FAM184B: variants seen among roughly 807,000 people sequenced by gnomAD.
The protein encoded by FAM184B is family with sequence similarity 184 member B, also known as protein FAM184B.
A neutral mutation model predicts 135.9 loss-of-function variants in FAM184B; 111 were observed. That is an observed-to-expected ratio of 0.82 (90% CI 0.70 to 0.96). FAM184B has a LOEUF of 0.96. Among genes scored for constraint, FAM184B ranks in the 40% least tolerant of loss-of-function variants. The pLI is 0.00. For synonymous variants in FAM184B, 552 were observed against 524.8 expected (o/e 1.05, Z -0.71); for missense variants, 1,375 against 1,323.9 (o/e 1.04, Z -0.60).
intron 1 of FAM184B, among the ~76,000 whole-genome samples, chr4:17,720,656 G>T (rs574715687): frequency 6.6e-6 from 1 of 151,598 alleles, no homozygotes; most frequent in Non-Finnish European, 1.5e-5. Context: ...GGGAGGCTGA[G>T]GGGGGCAGAT....
rs764575898 is a variant in FAM184B at position 17,751,823 on chromosome 4, G to GCGCACA, written c.141+29335_141+29336insTGTGCG. Reference sequence around the variant, plus strand: ...GGCTGATTCTGGCCCTAAAAACAAGGCACACACACACACACACACACACAC... The same window carrying GCGCACA: ...GGCTGATTCTGGCCCTAAAAACAAGGCGCACACACACACACACACACACACACACAC... On this transcript the variant is annotated intron_variant, in intron 1 of 17. Coordinates refer to ENST00000265018, the MANE Select transcript of FAM184B (RefSeq NM_015688.2). Among the ~76,000 whole-genome samples, 336 of 115,896 alleles carry GCGCACA rather than the reference G, an allele frequency of 2.9e-3. 2 individuals carry two copies. The highest frequency in any genetic ancestry group is 9.3e-3 in the African/African-American group (293 of 31,624). 76.0% of individuals were successfully genotyped at this position (115,896 alleles called of 152,430 possible). A position where few individuals can be genotyped will look rare whatever the true frequency, so the allele number is the denominator to read the frequency against.
chr4:17,740,832 T>C (rs1042462685), intron 1 of FAM184B, among the ~76,000 whole-genome samples: 1 of 152,210 alleles, frequency 6.6e-6, no homozygotes. Context: ...TCTTTCTTTT[T>C]CCATCACAAC....
At position 17,709,018 on chromosome 4, in the gene FAM184B, C is replaced by G. The variant is rs1299767962; in HGVS notation, c.768G>C (p.Lys256Asn). The G allele has an allele frequency of 6.4e-7, 1 of 1,550,472 alleles. No individual in the cohort carries two copies. Among genetic ancestry groups the G allele is most frequent in the South Asian group, 1.2e-5 (1 of 84,052 alleles). The change falls in exon 2 of 18, where the codon AAG becomes AAC. Residue 256 changes from lysine to asparagine, a missense_variant. Physicochemically the swap from Lys to Asn is moderately conservative, Grantham distance 94 (BLOSUM62 0). Transcript: ENST00000265018. ...GGGCTGACTCCTGGACCTGGAAGTT[C>G]TTGCGGAGGTCCGACTCCTTCTCCT... ...QWQEKESDLR[K>N]NFQVQESALQ... is the part of the protein sequence containing the mutation.
chr4:17,675,617 C>T (rs769126525), intron 7 of FAM184B, among the ~76,000 whole-genome samples: 4 of 152,302 alleles, frequency 2.6e-5, no homozygotes, highest in Middle Eastern at 3.4e-3. Context: ...TCCTAGATGG[C>T]ATCTTCTAAT....
chr4:17,764,027 TA>T (rs1009018939), intron 1 of FAM184B, among the ~76,000 whole-genome samples: 1 of 152,184 alleles, frequency 6.6e-6, no homozygotes, highest in African/African-American at 2.4e-5. Context: ...ACATGTTTTT[TA>T]CTCTGTCATC....
At chr4:17,749,536 T>C (rs1017508616) in intron 1 of FAM184B, among the ~76,000 whole-genome samples, 1 of 152,170 alleles carries the variant, frequency 6.6e-6, no homozygotes, top group African/African-American at 2.4e-5. Context: ...ATCTAAAAAT[T>C]GGATTATTAA....
intron 1 of FAM184B, among the ~76,000 whole-genome samples, chr4:17,771,569 C>G (rs1718817775): frequency 6.6e-6 from 1 of 152,160 alleles, no homozygotes; most frequent in African/African-American, 2.4e-5. Flanking sequence ...TGTCCCCAAA[C>G]AAGCTCCTGC....
At position 17,640,492 on chromosome 4, in the gene FAM184B, A is replaced by AAG. The variant is rs1458752332; in HGVS notation, c.2520-1097_2520-1096insCT. Among the ~76,000 whole-genome samples, 149 of 151,528 alleles carry AAG rather than the reference A, an allele frequency of 9.8e-4. No individual in the cohort carries two copies. In the East Asian group the frequency reaches 0.025, roughly 25 times the overall value. On this transcript the variant is annotated intron_variant, in intron 13 of 17. Transcript: ENST00000265018. The stretch of plus-strand genomic sequence containing the variant: ...GAGCAAGACTGTCTCAAAAAAAAAA[A>AAG]AAAGAAAATAAATGAACAAGCACAG...
chr4:17,632,708 G>C (rs1011784888), intron 17 of FAM184B, 83 bp from the exon 18 acceptor site: 2 of 915,726 alleles, frequency 2.2e-6, no homozygotes, highest in Non-Finnish European at 3.4e-6. Context: ...TTCAGGGAAA[G>C]ATAACTGCTT....
rs950851665 is a variant in FAM184B, at chr4:17,664,721, A to C, written c.1597-62T>G. ...GCAAGATGAGCTTAAGTACAGCTTCATGATTCAACCTGTGGCTTATTCAAA... is the reference window on the plus strand; with the variant it reads ...GCAAGATGAGCTTAAGTACAGCTTCCTGATTCAACCTGTGGCTTATTCAAA... On this transcript the variant is annotated intron_variant, in intron 7 of 17. Coordinates refer to ENST00000265018, the MANE Select transcript of FAM184B (RefSeq NM_015688.2). 6.7e-6 allele frequency: 9 copies of C among 1,338,204 alleles called. No homozygotes were observed. The African/African-American group carries it at 1.0e-4, about 16-fold the overall frequency. The allele number at this position is 1,338,204 out of a possible 1,614,324, so 82.9% of individuals were successfully genotyped here. A position where few individuals can be genotyped will look rare whatever the true frequency, so the allele number is the denominator to read the frequency against.
chr4:17,700,235 C>T (rs181609512), intron 5 of FAM184B, among the ~76,000 whole-genome samples: 3 of 152,174 alleles, frequency 2.0e-5, no homozygotes, highest in East Asian at 3.9e-4. Context: ...CCCTAAAAGG[C>T]GGAGATTGTC....
intron 10 of FAM184B, among the ~76,000 whole-genome samples, chr4:17,655,298 G>A (rs188486427): frequency 6.6e-6 from 1 of 152,306 alleles, no homozygotes; most frequent in African/African-American, 2.4e-5. Flanking sequence ...GCCTGGCTTT[G>A]CAAGACGGAG....
rs1388360784 is a variant in FAM184B, at chr4:17,635,125, A to G, written c.2785-12T>C. 2.6e-6 allele frequency: 4 copies of G among 1,545,152 alleles called. No individual in the cohort carries two copies. Among genetic ancestry groups the G allele is most frequent in the South Asian group, 2.4e-5 (2 of 83,940 alleles). ...AATCTTCTCTCTTCCTAGAAAACCA[A>G]TACAACTGAGTCTAAATGAGCCTAA... On this transcript the variant is annotated splice_polypyrimidine_tract_variant and intron_variant, in intron 15 of 17. Coordinates refer to ENST00000265018, the MANE Select transcript of FAM184B (RefSeq NM_015688.2).
At chr4:17,688,732 C>G (rs565845587) in intron 6 of FAM184B, among the ~76,000 whole-genome samples, 3 of 138,260 alleles carry the variant, frequency 2.2e-5, no homozygotes, top group South Asian at 2.4e-4. Flanking sequence ...TGCTCTGTCA[C>G]CCAGGCTGGA....
intron 1 of FAM184B, among the ~76,000 whole-genome samples, chr4:17,714,156 G>A (rs1176115432): frequency 6.6e-6 from 1 of 152,152 alleles, no homozygotes. Context: ...ATCTGCTATG[G>A]GGCTGCTGCA....
chr4:17,729,594 A>G (rs1189719902), intron 1 of FAM184B, among the ~76,000 whole-genome samples: 1 of 152,220 alleles, frequency 6.6e-6, no homozygotes, highest in East Asian at 1.9e-4. Flanking sequence ...GTTCACCAAG[A>G]TCTGCTGTTC....
At chr4:17,653,930 G>GAGAGAGAGAGAGGGAGA (rs1402544369) in intron 10 of FAM184B, among the ~76,000 whole-genome samples, 117 of 135,796 alleles carry the variant, frequency 8.6e-4, no homozygotes, top group Non-Finnish European at 1.3e-3. Context: ...GGGAGGGGGA[G>GAGAGAGAGAGAGGGAGA]GGGGATTTGA....
chr4:17,677,369 A>G (rs1716335997), intron 7 of FAM184B, among the ~76,000 whole-genome samples: 2 of 152,188 alleles, frequency 1.3e-5, no homozygotes, highest in East Asian at 3.8e-4. Flanking sequence ...TTTCAAGCCC[A>G]GCAATACTTG....
At chr4:17,746,537 C>T (rs1159296267) in intron 1 of FAM184B, among the ~76,000 whole-genome samples, 1 of 150,984 alleles carries the variant, frequency 6.6e-6, no homozygotes, top group Non-Finnish European at 1.5e-5. Context: ...TCGAGACCAT[C>T]CTGGCTAACA....
Sources: allele counts gnomAD v4.1 joint callset (sites outside exome capture counted in the v4.1 genomes callset), GRCh38; gene constraint gnomAD v4.1.1; transcripts MANE v1.5; gene names NCBI Gene and HGNC (gene_info 2026-07-23, HGNC 2026-07-21).